The following BTBD3 variants were observed in gnomAD, a reference collection of about 807,000 sequenced individuals.
BTBD3 encodes BTB/POZ domain-containing protein 3.
A neutral mutation model predicts 41.6 loss-of-function variants in BTBD3; 14 were observed. That is an observed-to-expected ratio of 0.34 (90% CI 0.22 to 0.53). The LOEUF is 0.53. Among genes scored for constraint, BTBD3 ranks in the 20% least tolerant of loss-of-function variants. The probability of loss-of-function intolerance (pLI) is 0.95; values close to 1 mark genes in which losing one functional copy is unlikely to be tolerated. For missense variants in BTBD3, 426 were observed against 654.7 expected (o/e 0.65, Z 3.81); for synonymous variants, 249 against 233.7 (o/e 1.07, Z -0.60).
intron 1 of BTBD3, among the ~76,000 whole-genome samples, chr20:11,900,861 C>T (rs867157208): frequency 6.6e-6 from 1 of 151,986 alleles, no homozygotes; most frequent in Admixed American, 6.6e-5. Flanking sequence ...GTGCCCGCCA[C>T]CATGCCCAGC....
chr20:11,916,831 T>C (rs1283543545), upstream of BTBD3, among the ~76,000 whole-genome samples: 1 of 152,150 alleles, frequency 6.6e-6, no homozygotes, highest in Non-Finnish European at 1.5e-5. Context: ...AGGGGTGAGA[T>C]TAAATATTTT....
intron 1 of BTBD3, among the ~76,000 whole-genome samples, chr20:11,906,190 T>A (rs193288127): frequency 4.3e-4 from 64 of 150,082 alleles, no homozygotes; most frequent in Non-Finnish European, 7.4e-4. Flanking sequence ...CAAGATACTT[T>A]CCAGTTTTGG....
chr20:11,909,284 A>AG (rs1246010765), intron 1 of BTBD3: 1 of 151,710 alleles, frequency 6.6e-6, no homozygotes, highest in Non-Finnish European at 1.5e-5. Flanking sequence ...CAAAAAAAAA[A>AG]AAAAAAGTAG....
intron 3 of BTBD3, 111 bp from the exon 4 acceptor site, chr20:11,922,523 C>A: frequency 1.2e-6 from 1 of 845,988 alleles, no homozygotes. Context: ...TTTGTATTAA[C>A]TGTCACATAA....
chr20:11,901,674 CAG>C (rs1423925055), intron 1 of BTBD3, among the ~76,000 whole-genome samples: 1 of 152,134 alleles, frequency 6.6e-6, no homozygotes, highest in African/African-American at 2.4e-5. Context: ...CCCAAAATGT[CAG>C]AATCAGTTCT....
chr20:11,890,868 C>A (rs2056745407), exon 1 of BTBD3: 1 of 985,024 alleles, frequency 1.0e-6, no homozygotes, highest in African/African-American at 1.7e-5. Context: ...CGCTGGATCT[C>A]CGAGTGCCCC....
upstream of BTBD3, among the ~76,000 whole-genome samples, chr20:11,914,188 C>T (rs780510059): frequency 6.6e-6 from 1 of 151,890 alleles, no homozygotes; most frequent in Non-Finnish European, 1.5e-5. Flanking sequence ...CCTTTTTTAC[C>T]CTTCAACCCA....
intron 1 of BTBD3, chr20:11,910,498 T>C (rs2056882728): frequency 7.3e-6 from 1 of 137,744 alleles, no homozygotes; most frequent in Non-Finnish European, 1.6e-5. Context: ...GATAGACTAT[T>C]TTCAAGTACC....
chr20:11,907,227 T>C (rs970734244), intron 1 of BTBD3, among the ~76,000 whole-genome samples: 1 of 152,242 alleles, frequency 6.6e-6, no homozygotes, highest in Admixed American at 6.5e-5. Flanking sequence ...AGTTGAGCTT[T>C]GGTGTTTACA....
At position 11,923,776 on chromosome 20, in the gene BTBD3, A is replaced by C. The variant is rs2056993184; in HGVS notation, c.*110A>C. ...GATCAGTGCCGGTAATTTGTAATGA[A>C]TGAAGCGGTAGGCAGGTTCTAATTT... On this transcript the variant is annotated 3_prime_UTR_variant, in exon 4 of 4. Coordinates refer to ENST00000378226, the MANE Select transcript of BTBD3 (RefSeq NM_014962.4). This position sits in a 1 kb window ranked among gnomAD's most constrained non-coding sequence, Gnocchi z 5.3. The C allele has an allele frequency of 9.3e-7, 1 of 1,070,474 alleles. No individual in the cohort carries two copies. Among genetic ancestry groups the C allele is most frequent in the Admixed American group, 2.4e-5 (1 of 41,104 alleles). The allele number at this position is 1,070,474 out of a possible 1,614,324, so 66.3% of individuals were successfully genotyped here. A position where few individuals can be genotyped will look rare whatever the true frequency, so the allele number is the denominator to read the frequency against.
chr20:11,918,182 G>T lies in BTBD3; in HGVS notation c.-94G>T. On this transcript the variant is annotated 5_prime_UTR_variant, in exon 1 of 4. Transcript: ENST00000378226. ...AAGCAGCAAAATATCAGCTTTGTTG[G>T]TTTCAGTTAACCTCTTAGCCCGGGC... 2 of 1,491,390 alleles carry T rather than the reference G, an allele frequency of 1.3e-6. No homozygotes were observed. The highest frequency in any genetic ancestry group is 1.8e-6 in the Non-Finnish European group (2 of 1,131,586). The allele number at this position is 1,491,390 out of a possible 1,614,324, so 92.4% of individuals were successfully genotyped here. A position where few individuals can be genotyped will look rare whatever the true frequency, so the allele number is the denominator to read the frequency against.
intron 1 of BTBD3, among the ~76,000 whole-genome samples, chr20:11,893,928 C>A (rs1568606293): frequency 6.6e-6 from 1 of 151,990 alleles, no homozygotes; most frequent in Non-Finnish European, 1.5e-5. Context: ...TTTCCTTTTT[C>A]TGTAAACCCT....
chr20:11,919,242 T>C, intron 2 of BTBD3, 66 bp downstream of exon 2: 1 of 1,469,300 alleles, frequency 6.8e-7, no homozygotes, highest in South Asian at 1.2e-5. Context: ...TCCATAAGCC[T>C]GTAACTTGGT....
chr20:11,916,779 T>C (rs1411759562), upstream of BTBD3, among the ~76,000 whole-genome samples: 1 of 152,146 alleles, frequency 6.6e-6, no homozygotes, highest in Non-Finnish European at 1.5e-5. Flanking sequence ...GGGTAGCAAA[T>C]GGCTGCTGTG....
upstream of BTBD3, among the ~76,000 whole-genome samples, chr20:11,916,955 A>G (rs2056922311): frequency 6.6e-6 from 1 of 152,212 alleles, no homozygotes; most frequent in African/African-American, 2.4e-5. Context: ...ACAAAAATCA[A>G]ATGGTAGCTT....
chr20:11,912,038 C>T (rs954463288), intron 1 of BTBD3, among the ~76,000 whole-genome samples: 2 of 152,268 alleles, frequency 1.3e-5, no homozygotes, highest in Non-Finnish European at 1.5e-5. Flanking sequence ...CCCGCTCACC[C>T]CAAATCTAAA....
chr20:11,892,114 C>G (rs1179232657), intron 1 of BTBD3, among the ~76,000 whole-genome samples: 2 of 152,170 alleles, frequency 1.3e-5, no homozygotes, highest in Admixed American at 1.3e-4. Context: ...TTTTCCTAGA[C>G]AGGAACTCAC....
At position 11,922,808 on chromosome 20, in the gene BTBD3, G is replaced by A. The variant is rs2056982420; in HGVS notation, c.711G>A (p.Glu237=). The A allele has an allele frequency of 6.2e-7, 1 of 1,614,090 alleles. No individual in the cohort carries two copies. The highest frequency in any genetic ancestry group is 1.7e-5 in the Admixed American group (1 of 60,010). ...TCTCCCAGAGCTGCCTGTTCGAGGA[G>A]CCAGACCTGACCCAGCGTTGCTGGG... The part of the protein sequence containing the change: ...VLLSQSCLFE[E]PDLTQRCWEV... The change falls in exon 4 of 4, where the codon GAG becomes GAA. Residue 237 remains glutamate (E), a synonymous_variant. Transcript: ENST00000378226.
At chr20:11,894,542 C>G (rs1344540220) in intron 1 of BTBD3, among the ~76,000 whole-genome samples, 1 of 151,602 alleles carries the variant, frequency 6.6e-6, no homozygotes, top group Admixed American at 6.6e-5. Context: ...TTTGGGAGCT[C>G]TCTCTTCTGG....
Sources: gnomAD v4.1 joint callset for allele counts (sites outside exome capture counted in the v4.1 genomes callset) on GRCh38, gnomAD v4.1.1 for gene constraint, Gnocchi (gnomAD v3.1) non-coding constraint, MANE v1.5 for transcripts, NCBI Gene and HGNC (gene_info 2026-07-23, HGNC 2026-07-21) for gene names.